Variants in MCCC1 observed in about 807,000 individuals in gnomAD.
MCCC1 encodes the protein methylcrotonoyl-CoA carboxylase subunit alpha, mitochondrial.
MCCC1 carries 64 observed loss-of-function variants against 83.8 expected under a neutral mutation model. The observed-to-expected ratio is 0.76, with a 90% CI of 0.62 to 0.94. The LOEUF is 0.94. MCCC1 is among the 40% of genes least tolerant of loss of function. The pLI is 0.00. For synonymous variants in MCCC1, 322 were observed against 315.4 expected (o/e 1.02, Z -0.22); for missense variants, 807 against 904.7 (o/e 0.89, Z 1.39).
intron 14 of MCCC1, among the ~76,000 whole-genome samples, chr3:183,030,626 A>C (rs147565380): frequency 1.9e-4 from 29 of 152,316 alleles, no homozygotes; most frequent in African/African-American, 5.8e-4. Flanking sequence ...TATCAAAATA[A>C]AAATGTTCAC....
At chr3:183,046,709 T>C (rs1362697541) in intron 9 of MCCC1, among the ~76,000 whole-genome samples, 1 of 152,152 alleles carries the variant, frequency 6.6e-6, no homozygotes, top group African/African-American at 2.4e-5. Context: ...TTAAAATCAA[T>C]TTGAAAATCA....
intron 4 of MCCC1, among the ~76,000 whole-genome samples, chr3:183,077,363 T>C (rs928179777): frequency 5.3e-5 from 8 of 152,218 alleles, no homozygotes; most frequent in African/African-American, 1.4e-4. Context: ...ATCAGTAACA[T>C]AGAAGGGTTC....
rs562198762 is a variant in MCCC1, at chr3:183,050,477, C to T, written c.955+1682G>A. 1.9e-4 allele frequency among the ~76,000 whole-genome samples: 29 copies of T among 151,976 alleles called. No homozygotes were observed. In the South Asian group the frequency reaches 5.2e-3, roughly 27 times the overall value. On this transcript the variant is annotated intron_variant, in intron 9 of 18. Coordinates refer to ENST00000265594, the MANE Select transcript of MCCC1 (RefSeq NM_020166.5). ...CAGCACTTTGGGAGGCTGAGGTGGG[C>T]GGATCACCTGAGGTCAAGAGTTTGA... is the stretch of plus-strand genomic sequence containing the variant.
At chr3:183,087,590 G>T (rs375520898) in intron 3 of MCCC1, among the ~76,000 whole-genome samples, 8 of 152,222 alleles carry the variant, frequency 5.3e-5, no homozygotes, top group African/African-American at 1.7e-4. Context: ...GGATGATCAA[G>T]ACTGGCCGGG....
chr3:183,056,007 T>A (rs1308136859), intron 8 of MCCC1, among the ~76,000 whole-genome samples: 1 of 152,212 alleles, frequency 6.6e-6, no homozygotes, highest in Admixed American at 6.6e-5. Context: ...TATCTTAAAA[T>A]AATGGGAAAC....
chr3:183,083,908 C>G (rs1717699379), intron 4 of MCCC1, among the ~76,000 whole-genome samples: 1 of 152,166 alleles, frequency 6.6e-6, no homozygotes, highest in African/African-American at 2.4e-5. Context: ...TCAGTCTGGT[C>G]CAATGAATAG....
intron 4 of MCCC1, among the ~76,000 whole-genome samples, chr3:183,085,017 G>A (rs1003823748): frequency 9.9e-5 from 15 of 152,182 alleles, no homozygotes; most frequent in African/African-American, 3.4e-4. Context: ...AAGGAATTAT[G>A]GAGGAGCCAA....
chr3:183,032,014 C>A (rs1023870522), intron 14 of MCCC1, among the ~76,000 whole-genome samples: 1 of 152,000 alleles, frequency 6.6e-6, no homozygotes, highest in Admixed American at 6.5e-5. Flanking sequence ...TAATTGTGGT[C>A]ATTGCTTATT....
chr3:183,059,412 G>C (rs1715663119), intron 7 of MCCC1, among the ~76,000 whole-genome samples: 1 of 152,154 alleles, frequency 6.6e-6, no homozygotes, highest in South Asian at 2.1e-4. Flanking sequence ...AATTCTTGGA[G>C]CTGATTTTTT....
intron 15 of MCCC1, among the ~76,000 whole-genome samples, chr3:183,023,867 C>A (rs1422402868): frequency 6.6e-6 from 1 of 152,064 alleles, no homozygotes; most frequent in Non-Finnish European, 1.5e-5. Flanking sequence ...TTGAGGATTA[C>A]CATGAACTTT....
rs745696684 is a variant in MCCC1, at chr3:183,099,417, C to T, written c.24G>A (p.Ser8=). MAAASAV[S]VLLVAAERNR... is the part of the protein sequence containing the mutation. Reference sequence around the variant, plus strand: ...TCCTCTCCGCCGCCACCAGCAGCACCGACACCGCAGAGGCCGCCGCCATGT... The same window carrying T: ...TCCTCTCCGCCGCCACCAGCAGCACTGACACCGCAGAGGCCGCCGCCATGT... Residue 8 remains serine (S), a synonymous_variant, in exon 1 of 19, where the codon TCG becomes TCA. Coordinates refer to ENST00000265594, the MANE Select transcript of MCCC1 (RefSeq NM_020166.5). 1 of 1,607,468 alleles carries T rather than the reference C, an allele frequency of 6.2e-7. No individual in the cohort carries two copies. Among genetic ancestry groups the T allele is most frequent in the Admixed American group, 1.7e-5 (1 of 59,554 alleles).
intron 7 of MCCC1, 41 bp from the exon 8 acceptor site, chr3:183,057,463 G>A (rs1427802839): frequency 7.0e-7 from 1 of 1,435,596 alleles, no homozygotes; most frequent in Admixed American, 1.9e-5. Context: ...ATTTGTTAGG[G>A]GTGATAAATA....
At position 183,034,056 on chromosome 3, in the gene MCCC1, G is replaced by A; in HGVS notation, c.1616C>T (p.Ser539Phe). 6.2e-7 allele frequency: 1 copy of A among 1,609,804 alleles called. No individual in the cohort carries two copies. The highest frequency in any genetic ancestry group is 8.5e-7 in the Non-Finnish European group (1 of 1,177,776). ...QAHDQFSPFS[S>F]SSGRRLNISY... ...GATATTCAGTCTTCTTCCACTGCTA[G>A]ACGAAAATGGAGAGAATTGATCTAG... Residue 539 changes from serine (S) to phenylalanine (F), a missense_variant, in exon 14 of 19, where the codon TCT becomes TTT. Coordinates refer to ENST00000265594, the MANE Select transcript of MCCC1 (RefSeq NM_020166.5).
intron 1 of MCCC1, among the ~76,000 whole-genome samples, chr3:183,114,441 G>T (rs143584524): frequency 6.6e-6 from 1 of 152,010 alleles, no homozygotes. Flanking sequence ...TAACTCGCTC[G>T]GGTACAACAT....
chr3:183,068,423 C>T (rs141190127), intron 7 of MCCC1, among the ~76,000 whole-genome samples: 12 of 152,266 alleles, frequency 7.9e-5, no homozygotes, highest in Admixed American at 2.0e-4. Context: ...GCCATGGCAA[C>T]GTCAGGAAGT....
intron 16 of MCCC1, among the ~76,000 whole-genome samples, chr3:183,021,636 A>G (rs143493490): frequency 6.6e-6 from 1 of 152,348 alleles, no homozygotes; most frequent in East Asian, 1.9e-4. Flanking sequence ...TTTGAACCAA[A>G]GCAGCTTCAC....
At chr3:183,077,209 T>C (rs1274969071) in intron 4 of MCCC1, among the ~76,000 whole-genome samples, 1 of 152,212 alleles carries the variant, frequency 6.6e-6, no homozygotes, top group South Asian at 2.1e-4. Context: ...CATTCAGGTA[T>C]AAATTTCTGT....
intron 14 of MCCC1, among the ~76,000 whole-genome samples, chr3:183,029,433 A>G (rs1217298317): frequency 6.6e-6 from 1 of 152,092 alleles, no homozygotes. Flanking sequence ...CCTGACTGGC[A>G]TCCCTATGCT....
Position 183,023,799 on chromosome 3 carries a change from C to CT in MCCC1, c.1732-1246dup, listed in dbSNP as rs535360159. ...CTATAGGAATTTGATTGAATTCCCA[C>CT]TTTTTTTTTTAAACCATTTAAGCAT... On this transcript the variant is annotated intron_variant, in intron 15 of 18. Transcript: ENST00000265594. 1.0e-4 allele frequency among the ~76,000 whole-genome samples: 15 copies of CT among 149,526 alleles called. 1 individual carries two copies. Among genetic ancestry groups the CT allele is most frequent in the South Asian group, 2.1e-4 (1 of 4,702 alleles).
Sources: allele counts gnomAD v4.1 joint callset (sites outside exome capture counted in the v4.1 genomes callset), GRCh38; gene constraint gnomAD v4.1.1; transcripts MANE v1.5; gene names NCBI Gene and HGNC (gene_info 2026-07-23, HGNC 2026-07-21).